Variants in GSDMC observed in about 807,000 individuals in gnomAD.
GSDMC encodes gasdermin-C.
GSDMC carries 59 observed loss-of-function variants against 58.0 expected under a neutral mutation model. The observed-to-expected ratio is 1.02, with a 90% CI of 0.82 to 1.26. The LOEUF (loss-of-function observed/expected upper bound fraction) is 1.26. Among genes scored for constraint, GSDMC ranks in the 50% most tolerant of loss-of-function variants. The probability of loss-of-function intolerance (pLI) is 0.00; values close to 1 mark genes in which losing one functional copy is unlikely to be tolerated. For synonymous variants in GSDMC, 241 were observed against 220.2 expected (o/e 1.09, Z -0.83); for missense variants, 659 against 598.5 (o/e 1.10, Z -1.06).
At chr8:129,752,640 A>G (rs2033256007) in intron 7 of GSDMC, 58 bp downstream of exon 7, 1 of 1,595,090 alleles carries the variant, frequency 6.3e-7, no homozygotes, top group Admixed American at 1.8e-5. Flanking sequence ...TTTAACAACT[A>G]TCTGCACAAA....
intron 3 of GSDMC, among the ~76,000 whole-genome samples, chr8:129,771,194 A>C (rs2034037904): frequency 6.6e-6 from 1 of 152,028 alleles, no homozygotes; most frequent in Admixed American, 6.6e-5. Flanking sequence ...AACTGAAAGG[A>C]GAAATAAACA....
downstream of GSDMC, among the ~76,000 whole-genome samples, chr8:129,747,551 G>A (rs913700762): frequency 4.6e-5 from 7 of 152,150 alleles, no homozygotes; most frequent in South Asian, 2.1e-4. Flanking sequence ...CTGATGAGAC[G>A]TCATATTTAA....
chr8:129,766,118 G>A (rs941233290), intron 3 of GSDMC, among the ~76,000 whole-genome samples: 6 of 152,194 alleles, frequency 3.9e-5, no homozygotes, highest in Non-Finnish European at 7.3e-5. Flanking sequence ...AGGGCTAGAA[G>A]CAGACAGGTC....
chr8:129,763,384 T>C (rs1416240221), intron 4 of GSDMC, among the ~76,000 whole-genome samples: 3 of 152,208 alleles, frequency 2.0e-5, no homozygotes, highest in Non-Finnish European at 4.4e-5. Context: ...TTATGTTTTA[T>C]GGGGTGGATC....
At chr8:129,765,872 C>G (rs1240780446) in intron 3 of GSDMC, 79 bp from the exon 4 acceptor site, 1 of 1,222,234 alleles carries the variant, frequency 8.2e-7, no homozygotes, top group Non-Finnish European at 1.2e-6. Context: ...GCCCTTCTCC[C>G]CAAGACCTGG....
At chr8:129,727,519 G>A in the GSDMC span, among the ~76,000 whole-genome samples, 3 of 152,184 alleles carry the variant, frequency 2.0e-5, no homozygotes, top group African/African-American at 4.8e-5. Flanking sequence ...GTGGGGATCC[G>A]AGAAAGACAG....
intron 1 of GSDMC, among the ~76,000 whole-genome samples, chr8:129,785,295 A>C (rs187624503): frequency 8.5e-5 from 13 of 152,134 alleles, no homozygotes; most frequent in African/African-American, 3.1e-4. Flanking sequence ...ACAGAAAGAC[A>C]AACTTTACAA....
At chr8:129,751,666 C>G (rs2033198033) in intron 9 of GSDMC, 98 bp from the exon 10 acceptor site, 12 of 1,202,078 alleles carry the variant, frequency 1.0e-5, no homozygotes, top group Non-Finnish European at 1.5e-5. Flanking sequence ...CCTCCTCCCT[C>G]TTACTCAACT....
chr8:129,760,988 G>C (rs1286290526), intron 5 of GSDMC, among the ~76,000 whole-genome samples: 1 of 152,196 alleles, frequency 6.6e-6, no homozygotes, highest in Non-Finnish European at 1.5e-5. Context: ...TAGAGTGCAA[G>C]TGTTCAACAG....
At chr8:129,746,251 A>T (rs1375539156), downstream of GSDMC, among the ~76,000 whole-genome samples, 1 of 152,240 alleles carries the variant, frequency 6.6e-6, no homozygotes, top group Non-Finnish European at 1.5e-5. Flanking sequence ...AGCTGCAAAG[A>T]TACAACAACA....
chr8:129,751,709 G>T, intron 9 of GSDMC, 141 bp from the exon 10 acceptor site: 6 of 1,112,186 alleles, frequency 5.4e-6, no homozygotes, highest in Non-Finnish European at 8.1e-6. Context: ...CATCCTCCAT[G>T]TTCTCAGCTT....
chr8:129,714,938 G>T, the GSDMC span, among the ~76,000 whole-genome samples: 1 of 152,170 alleles, frequency 6.6e-6, no homozygotes, highest in Middle Eastern at 3.2e-3. Context: ...AACATTGTCT[G>T]GGAGGTCTCC....
chr8:129,783,110 G>A (rs141855016), intron 1 of GSDMC, among the ~76,000 whole-genome samples: 2,210 of 152,132 alleles, frequency 0.015, 62 homozygotes, highest in African/African-American at 0.05. Flanking sequence ...CAAAAACCAC[G>A]TGATCATTTC....
the GSDMC span, among the ~76,000 whole-genome samples, chr8:129,718,841 T>C: frequency 1.3e-5 from 2 of 152,166 alleles, no homozygotes; most frequent in African/African-American, 4.8e-5. Flanking sequence ...ACCATGGAAA[T>C]ACTATGCAGC....
chr8:129,724,597 C>A, the GSDMC span, among the ~76,000 whole-genome samples: 1 of 151,336 alleles, frequency 6.6e-6, no homozygotes, highest in African/African-American at 2.4e-5. Context: ...CAATGAGTAA[C>A]AACTCACTTA....
chr8:129,752,276 C>T, intron 7 of GSDMC, 129 bp from the exon 8 acceptor site: 1 of 771,752 alleles, frequency 1.3e-6, no homozygotes, highest in East Asian at 2.7e-5. Flanking sequence ...CATGTTCCAT[C>T]AGTTCAGTTA....
chr8:129,727,851 C>T, the GSDMC span, among the ~76,000 whole-genome samples: 18 of 152,170 alleles, frequency 1.2e-4, no homozygotes, highest in Non-Finnish European at 2.2e-4. Flanking sequence ...CATCACAGGT[C>T]TGGGGCAGAA....
intron 3 of GSDMC, among the ~76,000 whole-genome samples, chr8:129,774,538 A>AG (rs1169773917): frequency 6.6e-6 from 1 of 151,598 alleles, no homozygotes; most frequent in Non-Finnish European, 1.5e-5. Flanking sequence ...CAAAAAAAAA[A>AG]AAAGAAAAGA....
chr8:129,748,710 A>T lies in GSDMC; in HGVS notation c.1318T>A (p.Tyr440Asn). The T allele has an allele frequency of 3.9e-6, 6 of 1,545,862 alleles. No homozygotes were observed. ...VRSILEPNFR[Y>N]PWSIPFTLKP... ...AGGGTGAAGGGAATGCTCCAGGGGT[A>T]TCTGAAGTTTGGCTCCAGGATGCTC... The change falls in exon 14 of 14, where the codon TAC becomes AAC. Residue 440 changes from tyrosine to asparagine, a missense_variant. Coordinates refer to ENST00000276708, the MANE Select transcript of GSDMC (RefSeq NM_031415.3).
Sources: gnomAD v4.1 joint callset for allele counts (sites outside exome capture counted in the v4.1 genomes callset) on GRCh38, gnomAD v4.1.1 for gene constraint, MANE v1.5 for transcripts, NCBI Gene and HGNC (gene_info 2026-07-23, HGNC 2026-07-21) for gene names.